The following ALK variants were observed in gnomAD, a reference collection of about 807,000 sequenced individuals.
ALK encodes ALK tyrosine kinase receptor.
Under a neutral mutation model 163.1 loss-of-function variants are expected in ALK, and 74 were observed. The observed-to-expected ratio is 0.45, with a 90% CI of 0.38 to 0.55. The LOEUF is 0.55. ALK is among the 20% of genes least tolerant of loss of function. The pLI, the probability that ALK is intolerant of heterozygous loss-of-function variation, is 0.00. For synonymous variants in ALK, 960 were observed against 843.2 expected (o/e 1.14, Z -2.40); for missense variants, 2,063 against 2,105.3 (o/e 0.98, Z 0.39).
chr2:29,687,081 A>G (rs566717767), intron 3 of ALK, among the ~76,000 whole-genome samples: 1 of 152,192 alleles, frequency 6.6e-6, no homozygotes, highest in African/African-American at 2.4e-5. Flanking sequence ...CAGTGACCTT[A>G]GTATGATGAG....
At chr2:29,391,156 T>C (rs1669159404) in intron 4 of ALK, among the ~76,000 whole-genome samples, 3 of 152,120 alleles carry the variant, frequency 2.0e-5, no homozygotes. Context: ...AGATGTTATG[T>C]GGGTGACGGG....
chr2:29,580,767 G>A (rs547843604), intron 3 of ALK, among the ~76,000 whole-genome samples: 1 of 152,344 alleles, frequency 6.6e-6, no homozygotes, highest in South Asian at 2.1e-4. Context: ...CGTGGTTTGG[G>A]GCTATTTATG....
rs1477307555 is a variant in ALK, at chr2:29,706,634, AGTGT to A, written c.787+10940_787+10943del. Among the ~76,000 whole-genome samples, 5 of 152,232 alleles carry A rather than the reference AGTGT, an allele frequency of 3.3e-5. No homozygotes were observed. The East Asian group carries it at 7.7e-4, about 23-fold the overall frequency. On this transcript the variant is annotated intron_variant, in intron 2 of 28. Coordinates refer to ENST00000389048, the MANE Select transcript of ALK (RefSeq NM_004304.5). ...TTACATGAACACAGCCTCAGAGGGC[AGTGT>A]GTGTGCGCACGTGCACATGTGCACA...
At chr2:29,459,845 A>G (rs1342316762) in intron 4 of ALK, among the ~76,000 whole-genome samples, 1 of 152,216 alleles carries the variant, frequency 6.6e-6, no homozygotes, top group Non-Finnish European at 1.5e-5. Context: ...AAGAAAAGCG[A>G]ATCTCTGTTT....
intron 11 of ALK, among the ~76,000 whole-genome samples, chr2:29,254,299 CTCTCTCTA>C (rs1413694180): frequency 8.9e-6 from 1 of 112,236 alleles, no homozygotes; most frequent in Non-Finnish European, 2.1e-5. Context: ...TATTCTCTCT[CTCTCTCTA>C]TATATATATA....
At chr2:29,833,776 T>C (rs1056081639) in intron 1 of ALK, among the ~76,000 whole-genome samples, 1 of 152,212 alleles carries the variant, frequency 6.6e-6, no homozygotes, top group African/African-American at 2.4e-5. Flanking sequence ...CTACCCTGTA[T>C]CTCCTTGAAA....
At chr2:29,749,750 C>T (rs1377945201) in intron 1 of ALK, among the ~76,000 whole-genome samples, 1 of 147,974 alleles carries the variant, frequency 6.8e-6, no homozygotes, top group Non-Finnish European at 1.5e-5. Flanking sequence ...TTCAGTTTAG[C>T]CGAACAGCTT....
chr2:29,777,650 C>A (rs749490489), intron 1 of ALK, among the ~76,000 whole-genome samples: 2 of 152,192 alleles, frequency 1.3e-5, no homozygotes, highest in Non-Finnish European at 2.9e-5. Flanking sequence ...GAGGGACAGA[C>A]TGACTGGCTG....
At chr2:29,419,291 G>A (rs987247298) in intron 4 of ALK, among the ~76,000 whole-genome samples, 1 of 151,430 alleles carries the variant, frequency 6.6e-6, no homozygotes, top group African/African-American at 2.5e-5. Flanking sequence ...CTGACCTCAA[G>A]TGACCACCCA....
chr2:29,795,991 C>T (rs1664300380), intron 1 of ALK, among the ~76,000 whole-genome samples: 5 of 152,046 alleles, frequency 3.3e-5, no homozygotes, highest in Admixed American at 3.3e-4. Context: ...TCTTTTCCTT[C>T]CTAATCTCTC....
chr2:29,748,037 T>C (rs147503715), intron 1 of ALK, among the ~76,000 whole-genome samples: 15 of 152,278 alleles, frequency 9.9e-5, no homozygotes, highest in Middle Eastern at 3.4e-3. Flanking sequence ...GCTGATGAGA[T>C]TGCCTACCTG....
Position 29,839,963 on chromosome 2 carries a change from C to T in ALK, c.667+80030G>A, listed in dbSNP as rs531412647. Among the ~76,000 whole-genome samples the T allele has an allele frequency of 4.6e-5, 7 of 152,314 alleles. No individual in the cohort carries two copies. The South Asian group carries it at 8.3e-4, about 18-fold the overall frequency. On this transcript the variant is annotated intron_variant, in intron 1 of 28. Transcript: ENST00000389048. The stretch of plus-strand genomic sequence containing the variant: ...CATGCTCCAAGGTAGGCAGCATTAA[C>T]ACAATTCATAGAGGAGGAAACTCAG...
intron 3 of ALK, among the ~76,000 whole-genome samples, chr2:29,674,469 G>A (rs1394800127): frequency 4.0e-5 from 6 of 149,200 alleles, no homozygotes; most frequent in African/African-American, 1.5e-4. Flanking sequence ...TTATATGCTG[G>A]ATTACATTTA....
At chr2:29,826,525 A>G (rs976319472) in intron 1 of ALK, among the ~76,000 whole-genome samples, 1 of 151,870 alleles carries the variant, frequency 6.6e-6, no homozygotes, top group African/African-American at 2.4e-5. Context: ...AGGGTTTAGC[A>G]TTCACATACT....
chr2:29,329,047 T>C (rs115612783), intron 5 of ALK, among the ~76,000 whole-genome samples: 1,883 of 152,294 alleles, frequency 0.012, 29 homozygotes, highest in African/African-American at 0.041. Flanking sequence ...TCCTCCTGCC[T>C]GGCTGTATGA....
At chr2:29,730,047 A>C (rs184962543) in intron 1 of ALK, among the ~76,000 whole-genome samples, 43 of 152,292 alleles carry the variant, frequency 2.8e-4, no homozygotes, top group Non-Finnish European at 4.9e-4. Flanking sequence ...CGTCCTATTA[A>C]ACCACCCAAG....
intron 8 of ALK, among the ~76,000 whole-genome samples, chr2:29,309,478 A>G (rs1558663745): frequency 6.6e-6 from 1 of 152,180 alleles, no homozygotes; most frequent in Non-Finnish European, 1.5e-5. Context: ...AAGGTATTAC[A>G]TTAATTATGT....
intron 11 of ALK, among the ~76,000 whole-genome samples, chr2:29,272,137 G>A (rs1222810220): frequency 6.6e-6 from 1 of 151,636 alleles, no homozygotes; most frequent in African/African-American, 2.4e-5. Context: ...TCACAGGGAG[G>A]GGAAAGAGAT....
intron 1 of ALK, among the ~76,000 whole-genome samples, chr2:29,758,963 T>C (rs1680619358): frequency 6.6e-6 from 1 of 152,224 alleles, no homozygotes; most frequent in Non-Finnish European, 1.5e-5. Flanking sequence ...GAATACAGGC[T>C]AAATCTTGCT....
Sources: allele counts gnomAD v4.1 joint callset (sites outside exome capture counted in the v4.1 genomes callset), GRCh38; gene constraint gnomAD v4.1.1; transcripts MANE v1.5; gene names NCBI Gene and HGNC (gene_info 2026-07-23, HGNC 2026-07-21).